BRD4: variants seen among roughly 807,000 people sequenced by gnomAD.
The protein encoded by BRD4 is bromodomain-containing protein 4.
BRD4 carries 16 observed loss-of-function variants against 142.1 expected under a neutral mutation model. That is an observed-to-expected ratio of 0.11 (90% CI 0.08 to 0.17). The LOEUF (loss-of-function observed/expected upper bound fraction) is 0.17, where lower values mean the gene tolerates loss of function less well. Among genes scored for constraint, BRD4 ranks in the 10% least tolerant of loss-of-function variants. The pLI is 1.00. For missense variants in BRD4, 1,424 were observed against 1,810.9 expected (o/e 0.79, Z 3.88); for synonymous variants, 833 against 707.5 (o/e 1.18, Z -2.82).
At position 15,316,073 on chromosome 19, in the gene BRD4, G is replaced by A. The variant is rs145910880; in HGVS notation, c.-35+16217C>T. On this transcript the variant is annotated intron_variant, in intron 1 of 19. Transcript: ENST00000679869. ...TGGGAGGCCGAGGCAGAAGAATGGC[G>A]TGAACCCGGGAGGCAGAGCTTGCAG... Among the ~76,000 whole-genome samples, 1,393 of 143,544 alleles carry A rather than the reference G, an allele frequency of 9.7e-3. 14 individuals carry two copies. Among genetic ancestry groups the A allele is most frequent in the African/African-American group, 0.033 (1,290 of 38,536 alleles). The allele number at this position is 143,544 out of a possible 152,430, so 94.2% of individuals were successfully genotyped here.
At chr19:15,271,719 G>A (rs967814713) in intron 2 of BRD4, among the ~76,000 whole-genome samples, 2 of 152,186 alleles carry the variant, frequency 1.3e-5, no homozygotes, top group Non-Finnish European at 2.9e-5. Flanking sequence ...AATGGAGAGC[G>A]TGGCGCCTCT....
chr19:15,299,378 T>C (rs564215142), intron 1 of BRD4, among the ~76,000 whole-genome samples: 2 of 152,238 alleles, frequency 1.3e-5, no homozygotes, highest in Admixed American at 6.5e-5. Context: ...TCAAAGTCTT[T>C]TACCCATCAA....
intron 1 of BRD4, among the ~76,000 whole-genome samples, chr19:15,282,284 T>C (rs945973555): frequency 6.6e-6 from 1 of 152,254 alleles, no homozygotes; most frequent in Non-Finnish European, 1.5e-5. Flanking sequence ...CATAGATTTC[T>C]AGACTTTGTG....
chr19:15,270,498 T>A (rs1284177863), intron 2 of BRD4, among the ~76,000 whole-genome samples: 1 of 152,176 alleles, frequency 6.6e-6, no homozygotes, highest in Non-Finnish European at 1.5e-5. Context: ...AATAGATCTA[T>A]CCCAGTGGAA....
At chr19:15,255,628 GC>G in intron 9 of BRD4, 36 bp from the exon 10 acceptor site, 1 of 1,556,624 alleles carries the variant, frequency 6.4e-7, no homozygotes, top group Non-Finnish European at 8.7e-7. Flanking sequence ...TCAAGAACGG[GC>G]CCCCTGAGGA....
intron 1 of BRD4, among the ~76,000 whole-genome samples, chr19:15,330,248 T>A (rs930868318): frequency 1.3e-5 from 2 of 152,182 alleles, no homozygotes; most frequent in Non-Finnish European, 1.5e-5. Context: ...ATACTATGTT[T>A]CCTACCAAAG....
At position 15,236,955 on chromosome 19, in the gene BRD4, C is replaced by T. The variant is rs1413581929; in HGVS notation, c.*1422G>A. ...TTGGCCAACACTGAGGCACCAGCGT[C>T]GTGGTGTAGAGTGGGTTCTCATGGC... On this transcript the variant is annotated 3_prime_UTR_variant, in exon 20 of 20. Coordinates refer to ENST00000679869, the MANE Select transcript of BRD4 (RefSeq NM_001379291.1). 1.0e-5 allele frequency: 2 copies of T among 197,762 alleles called. No individual in the cohort carries two copies. Among genetic ancestry groups the T allele is most frequent in the East Asian group, 7.7e-5 (1 of 13,036 alleles). The allele number at this position is 197,762 out of a possible 1,614,324, so 12.3% of individuals were successfully genotyped here.
intron 3 of BRD4, among the ~76,000 whole-genome samples, chr19:15,268,440 C>G (rs1161309883): frequency 6.6e-6 from 1 of 152,138 alleles, no homozygotes; most frequent in East Asian, 1.9e-4. Context: ...CAGACCATCA[C>G]CCACAGAGCA....
At position 15,239,598 on chromosome 19, in the gene BRD4, T is replaced by C. The variant is rs1205278402; in HGVS notation, c.3445+61A>G. The C allele has an allele frequency of 7.0e-6, 11 of 1,562,536 alleles. No homozygotes were observed. The highest frequency in any genetic ancestry group is 9.5e-6 in the Non-Finnish European group (11 of 1,161,256). Reference sequence around the variant, plus strand: ...ATGGTCCACCAGCCCCACAGCAAGCTTATGTCCAACACGGGCCTCGGGGGG... The same window carrying C: ...ATGGTCCACCAGCCCCACAGCAAGCCTATGTCCAACACGGGCCTCGGGGGG... On this transcript the variant is annotated intron_variant, in intron 16 of 19. Transcript: ENST00000679869. This position sits in a 1 kb window ranked among gnomAD's most constrained non-coding sequence, Gnocchi z 7.4.
At chr19:15,281,116 C>T (rs896977924) in intron 1 of BRD4, among the ~76,000 whole-genome samples, 3 of 152,226 alleles carry the variant, frequency 2.0e-5, no homozygotes, top group Admixed American at 6.5e-5. Flanking sequence ...GAACAGCGCT[C>T]GTGTCATCAG....
chr19:15,267,780 C>T (rs1365769632), intron 3 of BRD4, among the ~76,000 whole-genome samples: 1 of 152,244 alleles, frequency 6.6e-6, no homozygotes, highest in African/African-American at 2.4e-5. Context: ...GCACCTCCCT[C>T]ATCTTTTAAG....
chr19:15,239,408 G>C lies in BRD4; in HGVS notation c.3560C>G (p.Pro1187Arg). 2 of 1,614,214 alleles carry C rather than the reference G, an allele frequency of 1.2e-6. No homozygotes were observed. Among genetic ancestry groups the C allele is most frequent in the Non-Finnish European group, 1.7e-6 (2 of 1,180,048 alleles). ...CATCCCAACCTTTTTGGGCGCAACT[G>C]GAGTCTTCGGCTCCTGTTTCTGTTT... ...KDKQKQEPKT[P>R]VAPKKDLKIK... Residue 1187 changes from proline to arginine, a missense_variant, in exon 17 of 20, where the codon CCA becomes CGA. By Grantham distance (103) the Pro-to-Arg change is moderately radical. Coordinates refer to ENST00000679869, the MANE Select transcript of BRD4 (RefSeq NM_001379291.1). The surrounding 1 kb of genome is among the most constrained non-coding windows in gnomAD (Gnocchi z 7.4).
At position 15,286,609 on chromosome 19, in the gene BRD4, GA is replaced by G. The variant is rs1273662180; in HGVS notation, c.-34-13477del. Among the ~76,000 whole-genome samples the G allele has an allele frequency of 3.3e-5, 5 of 152,228 alleles. No homozygotes were observed. In the South Asian group the frequency reaches 8.3e-4, roughly 25 times the overall value. On this transcript the variant is annotated intron_variant, in intron 1 of 19. Transcript: ENST00000679869. ...ACATTTTTTTCCTTACTAAATCTGT[GA>G]AATCTAAGTGTGCATGCCCCACAGT...
chr19:15,263,551 G>A lies in BRD4; in HGVS notation c.1213-3C>T. Reference sequence around the variant, plus strand: ...TACTCACGGGCCTCCAGTTTAGACTGGAAAACAAGACAAGTCCCTGTTAGC... The same window carrying A: ...TACTCACGGGCCTCCAGTTTAGACTAGAAAACAAGACAAGTCCCTGTTAGC... On this transcript the variant is annotated splice_polypyrimidine_tract_variant and splice_region_variant and intron_variant, in intron 6 of 19. Transcript: ENST00000679869. 2 of 1,614,122 alleles carry A rather than the reference G, an allele frequency of 1.2e-6. No homozygotes were observed. Among genetic ancestry groups the A allele is most frequent in the Non-Finnish European group, 1.7e-6 (2 of 1,179,950 alleles).
At chr19:15,269,924 A>C (rs1426419125) in intron 2 of BRD4, among the ~76,000 whole-genome samples, 1 of 152,258 alleles carries the variant, frequency 6.6e-6, no homozygotes, top group Non-Finnish European at 1.5e-5. Context: ...ATGTGCGGAC[A>C]GATCAAGCAG....
At chr19:15,305,024 T>G (rs1302456236) in intron 1 of BRD4, among the ~76,000 whole-genome samples, 109 of 80,798 alleles carry the variant, frequency 1.3e-3, no homozygotes, top group African/African-American at 6.7e-3. Context: ...TAAGACCATC[T>G]TTTTTTTTTT....
intron 1 of BRD4, among the ~76,000 whole-genome samples, chr19:15,320,059 T>C (rs1183237697): frequency 6.6e-6 from 1 of 152,232 alleles, no homozygotes; most frequent in Non-Finnish European, 1.5e-5. Flanking sequence ...TCAATGTTTA[T>C]GCCTATGTGC....
rs113353610 is a variant in BRD4, at chr19:15,291,932, C to G, written c.-34-18799G>C. On this transcript the variant is annotated intron_variant, in intron 1 of 19. Transcript: ENST00000679869. ...GAAGGTTCAGTCATCCTTGACTCTACCCTTCAGGCAGGTTATGATGTCAGC... is the reference window on the plus strand; with the variant it reads ...GAAGGTTCAGTCATCCTTGACTCTAGCCTTCAGGCAGGTTATGATGTCAGC... Among the ~76,000 whole-genome samples, 586 of 152,270 alleles carry G rather than the reference C, an allele frequency of 3.8e-3. 6 individuals are homozygous for G. Among genetic ancestry groups the G allele is most frequent in the African/African-American group, 0.013 (551 of 41,544 alleles).
At chr19:15,307,216 G>A (rs1029316987) in intron 1 of BRD4, among the ~76,000 whole-genome samples, 5 of 152,266 alleles carry the variant, frequency 3.3e-5, no homozygotes, top group East Asian at 1.9e-4. Flanking sequence ...ACACTGCACC[G>A]TCAATCACCT....
Sources: allele counts gnomAD v4.1 joint callset (sites outside exome capture counted in the v4.1 genomes callset), GRCh38; gene constraint gnomAD v4.1.1; non-coding constraint Gnocchi (gnomAD v3.1); transcripts MANE v1.5; gene names NCBI Gene and HGNC (gene_info 2026-07-23, HGNC 2026-07-21).